PPFIA4: variants seen among roughly 807,000 people sequenced by gnomAD.
PPFIA4 encodes liprin-alpha-4.
In PPFIA4, 98 loss-of-function variants were observed where a neutral mutation model predicts 145.7. The ratio of observed to expected loss-of-function variants is 0.67; its 90% CI spans 0.57 to 0.80. The LOEUF (loss-of-function observed/expected upper bound fraction) is 0.80. Ranked by LOEUF, PPFIA4 falls within the 30% of genes least tolerant of loss-of-function variation. The probability of loss-of-function intolerance (pLI) is 0.00; values close to 1 mark genes in which losing one functional copy is unlikely to be tolerated. For missense variants in PPFIA4, 1,457 were observed against 1,632.7 expected (o/e 0.89, Z 1.85); for synonymous variants, 628 against 649.6 (o/e 0.97, Z 0.51).
rs753946232 is a variant in PPFIA4, at chr1:203,075,141, A to G, written c.3394-436A>G. 2.0e-5 allele frequency among the ~76,000 whole-genome samples: 3 copies of G among 152,144 alleles called. No individual in the cohort carries two copies. The highest frequency in any genetic ancestry group is 4.4e-5 in the Non-Finnish European group (3 of 68,018). On this transcript the variant is annotated intron_variant, in intron 28 of 29. Transcript: ENST00000295706. This position sits in a 1 kb window ranked among gnomAD's most constrained non-coding sequence, Gnocchi z 4.1. The stretch of plus-strand genomic sequence containing the variant: ...CCGCCCGACATAGTACTCTTCTGGT[A>G]TACTGGGCTACAGCCATTCGGAGGC...
intron 28 of PPFIA4, 50 bp downstream of exon 28, chr1:203,071,810 T>G: frequency 6.7e-7 from 1 of 1,486,638 alleles, no homozygotes; most frequent in African/African-American, 1.4e-5. Context: ...GTCATCTTCG[T>G]TGGATTGAGG....
rs753277362 is a variant in PPFIA4 at position 203,061,523 on chromosome 1, G to A, written c.2848-129G>A. 2.9e-4 allele frequency: 273 copies of A among 934,310 alleles called. 2 individuals carry two copies. Among genetic ancestry groups the A allele is most frequent in the Admixed American group, 9.4e-4 (30 of 31,972 alleles). The allele number at this position is 934,310 out of a possible 1,614,324, so 57.9% of individuals were successfully genotyped here. A position where few individuals can be genotyped will look rare whatever the true frequency, so the allele number is the denominator to read the frequency against. On this transcript the variant is annotated intron_variant, in intron 23 of 29. Coordinates refer to ENST00000295706, the MANE Select transcript of PPFIA4 (RefSeq NM_001304331.2). The stretch of plus-strand genomic sequence containing the variant: ...TGTGTTCTCTCTTAACCATCCTGAC[G>A]AGCTTTCCCCAGTCACCCAGCCAGA...
At chr1:203,046,631 G>C in intron 9 of PPFIA4, 8 of 366,400 alleles carry the variant, frequency 2.2e-5, no homozygotes, top group East Asian at 4.2e-5. Context: ...AGGAGAAGAA[G>C]CTATGTTGAT....
rs1659864034 is a variant in PPFIA4 at position 203,043,724 on chromosome 1, T to C, written c.337-207T>C. Among the ~76,000 whole-genome samples the C allele has an allele frequency of 6.6e-6, 1 of 152,126 alleles. No individual in the cohort carries two copies. On this transcript the variant is annotated intron_variant, in intron 3 of 29. Transcript: ENST00000295706. The surrounding 1 kb of genome is among the most constrained non-coding windows in gnomAD (Gnocchi z 4.4). Reference sequence around the variant, plus strand: ...CTGTAGTTGCTGGTTCACAGAAAGCTCAGGGTCCTGGGGAGAGGCCGGGGC... The same window carrying C: ...CTGTAGTTGCTGGTTCACAGAAAGCCCAGGGTCCTGGGGAGAGGCCGGGGC...
intron 27 of PPFIA4, 148 bp from the exon 28 acceptor site, chr1:203,071,544 A>C: frequency 1.6e-6 from 1 of 615,820 alleles, no homozygotes; most frequent in Non-Finnish European, 2.9e-6. Context: ...GAGCAGCTTC[A>C]AAAAGGTGTG....
intron 23 of PPFIA4, 47 bp from the exon 24 acceptor site, chr1:203,061,605 C>T (rs1297967200): frequency 6.5e-7 from 1 of 1,540,854 alleles, no homozygotes; most frequent in South Asian, 1.2e-5. Flanking sequence ...TGATGGGTTT[C>T]TTGACTTTGC....
chr1:203,029,658 C>G (rs867141933), intron 1 of PPFIA4, among the ~76,000 whole-genome samples: 31 of 152,328 alleles, frequency 2.0e-4, no homozygotes, highest in Middle Eastern at 3.4e-3. Flanking sequence ...AGCAGGGCCT[C>G]CTTGCCACTG....
chr1:203,053,679 G>A (rs1558084562), intron 14 of PPFIA4, 74 bp from the exon 15 acceptor site: 2 of 1,275,038 alleles, frequency 1.6e-6, no homozygotes, highest in Non-Finnish European at 2.2e-6. Flanking sequence ...CTGGTGGGTA[G>A]AGGTAGGGAG....
Position 203,039,178 on chromosome 1 carries a change from G to T in PPFIA4, c.170G>T (p.Arg57Leu). The change falls in exon 2 of 30, where the codon CGG becomes CTG. Residue 57 changes from arginine to leucine, a missense_variant. Arg to Leu is a moderately radical substitution (Grantham distance 102). This residue lies in a region of PPFIA4 where 463 missense variants were observed against 459.8 expected (regional missense o/e 1.01). Coordinates refer to ENST00000295706, the MANE Select transcript of PPFIA4 (RefSeq NM_001304331.2). Reference protein sequence around the residue: ...SQETLAATQSRLQDAIHERDQ... With the variant: ...SQETLAATQSLLQDAIHERDQ... The stretch of plus-strand genomic sequence containing the variant: ...GAGACCTTGGCGGCCACACAGAGCC[G>T]GCTCCAGGATGCCATACACGAGCGG... 1 of 1,607,428 alleles carries T rather than the reference G, an allele frequency of 6.2e-7. No homozygotes were observed. Among genetic ancestry groups the T allele is most frequent in the Middle Eastern group, 1.7e-4 (1 of 6,046 alleles).
intron 13 of PPFIA4, 65 bp downstream of exon 13, chr1:203,049,832 T>TC: frequency 7.5e-7 from 1 of 1,339,784 alleles, no homozygotes; most frequent in Non-Finnish European, 9.9e-7. Context: ...GGAAGGAGAC[T>TC]TCCTTCCAAC....
rs1661863797 is a variant in PPFIA4 at position 203,068,145 on chromosome 1, A to G, written c.3149-308A>G. On this transcript the variant is annotated intron_variant, in intron 26 of 29. Transcript: ENST00000295706. This position sits in a 1 kb window ranked among gnomAD's most constrained non-coding sequence, Gnocchi z 4.7. ...AGGAGACCTTGAAGGTGGAAAGAAT[A>G]AGAAGGCCATTCCAGCTTGGGTCAG... 6.6e-6 allele frequency among the ~76,000 whole-genome samples: 1 copy of G among 152,176 alleles called. No individual in the cohort carries two copies. The highest frequency in any genetic ancestry group is 6.5e-5 in the Admixed American group (1 of 15,278).
chr1:203,044,226 A>G, intron 4 of PPFIA4, 131 bp downstream of exon 4: 1 of 1,209,370 alleles, frequency 8.3e-7, no homozygotes. Flanking sequence ...CTTAACTTCA[A>G]GGTCCTCCTG....
chr1:203,042,149 C>T (rs1425209416), intron 2 of PPFIA4, among the ~76,000 whole-genome samples: 2 of 152,066 alleles, frequency 1.3e-5, no homozygotes, highest in African/African-American at 2.4e-5. Context: ...CCTGTTGCAT[C>T]GCTCTTAGAC....
At chr1:203,028,691 GT>G (rs1658608775) in intron 1 of PPFIA4, among the ~76,000 whole-genome samples, 1 of 152,000 alleles carries the variant, frequency 6.6e-6, no homozygotes, top group African/African-American at 2.4e-5. Context: ...TTGTGCATGT[GT>G]TGGAGAGGAG....
chr1:203,032,430 T>TTTTTTTTTTTG (rs57892403), intron 1 of PPFIA4, among the ~76,000 whole-genome samples: 3 of 139,378 alleles, frequency 2.2e-5, no homozygotes, highest in Non-Finnish European at 4.6e-5. Context: ...TCCCCGCTTT[T>TTTTTTTTTTTG]TTGTTGTTGT....
intron 21 of PPFIA4, 100 bp downstream of exon 21, chr1:203,059,951 C>CACTTGGCAGGGGAGAAA: frequency 9.7e-7 from 1 of 1,033,142 alleles, no homozygotes; most frequent in Middle Eastern, 2.8e-4. Flanking sequence ...TGTGTTTCTC[C>CACTTGGCAGGGGAGAAA]CCTGCCAAGT....
At chr1:203,062,403 C>G (rs539342939) in intron 24 of PPFIA4, among the ~76,000 whole-genome samples, 17 of 138,282 alleles carry the variant, frequency 1.2e-4, no homozygotes, top group African/African-American at 4.3e-4. Context: ...TGGCGTGAAC[C>G]TGGGAGGCGG....
intron 1 of PPFIA4, among the ~76,000 whole-genome samples, chr1:203,028,637 T>C (rs1426658587): frequency 2.6e-5 from 4 of 151,826 alleles, no homozygotes; most frequent in Non-Finnish European, 5.9e-5. Flanking sequence ...TTGAGTGGTA[T>C]GGGGTGTGTG....
chr1:203,032,041 C>CGTGTATGTGT (rs138677252), intron 1 of PPFIA4, among the ~76,000 whole-genome samples: 6 of 146,350 alleles, frequency 4.1e-5, no homozygotes, highest in Admixed American at 2.0e-4. Context: ...TCTGAGAGAA[C>CGTGTATGTGT]GTGTGTGTGT....
Sources: gnomAD v4.1 joint callset for allele counts (sites outside exome capture counted in the v4.1 genomes callset) on GRCh38, gnomAD v4.1.1 for gene constraint, gnomAD v4.1.1 regional missense constraint, Gnocchi (gnomAD v3.1) non-coding constraint, MANE v1.5 for transcripts, NCBI Gene and HGNC (gene_info 2026-07-23, HGNC 2026-07-21) for gene names.